The following GPHN variants were observed in gnomAD, a reference collection of about 807,000 sequenced individuals.
GPHN encodes gephyrin.
In GPHN, 17 loss-of-function variants were observed where a neutral mutation model predicts 95.5. The observed-to-expected ratio is 0.18, with a 90% CI of 0.12 to 0.27. GPHN has a LOEUF of 0.27. GPHN is among the 10% of genes least tolerant of loss of function. The pLI is 1.00. For missense variants in GPHN, 660 were observed against 978.1 expected, an observed-to-expected ratio of 0.67 and a Z score of 4.34; for synonymous variants, 320 against 322.5, an observed-to-expected ratio of 0.99 and a Z score of 0.08.
chr14:67,571,842 G>A, the GPHN span: 5 of 1,613,802 alleles, frequency 3.1e-6, no homozygotes, highest in Non-Finnish European at 4.2e-6. Flanking sequence ...CCGAATCTCG[G>A]TCCCCTCCTC....
At chr14:66,723,194 A>AGAT (rs61041871) in intron 2 of GPHN, among the ~76,000 whole-genome samples, 51,379 of 151,696 alleles carry the variant, frequency 0.34, 13,074 homozygotes, top group African/African-American at 0.69. Flanking sequence ...TTTTTTGTAA[A>AGAT]GAGTTCTCTG....
chr14:67,175,901 A>C (rs1161208252), intron 21 of GPHN, among the ~76,000 whole-genome samples: 1 of 152,146 alleles, frequency 6.6e-6, no homozygotes, highest in Non-Finnish European at 1.5e-5. Flanking sequence ...GTGTATACGA[A>C]TGCTTGTGAT....
At chr14:67,400,666 G>T in the GPHN span, among the ~76,000 whole-genome samples, 1 of 151,988 alleles carries the variant, frequency 6.6e-6, no homozygotes. Flanking sequence ...GTAGGAGGGA[G>T]GTGGGAGGTG....
At chr14:67,102,669 A>G (rs2077779856) in intron 13 of GPHN, among the ~76,000 whole-genome samples, 1 of 152,192 alleles carries the variant, frequency 6.6e-6, no homozygotes, top group African/African-American at 2.4e-5. Context: ...TCAAAAAAAT[A>G]AAAATAAAAA....
At chr14:66,755,243 A>G (rs960944376) in intron 2 of GPHN, among the ~76,000 whole-genome samples, 1 of 152,172 alleles carries the variant, frequency 6.6e-6, no homozygotes, top group Non-Finnish European at 1.5e-5. Context: ...TCTTGTAGGA[A>G]TTAAATGTAT....
intron 2 of GPHN, among the ~76,000 whole-genome samples, chr14:66,757,966 G>A (rs890983665): frequency 2.0e-5 from 3 of 152,180 alleles, no homozygotes; most frequent in African/African-American, 4.8e-5. Context: ...GGGGAGGGGT[G>A]TTTCCCCCAC....
intron 1 of GPHN, among the ~76,000 whole-genome samples, chr14:66,558,724 CTTTTT>C: frequency 6.6e-6 from 1 of 151,712 alleles, no homozygotes; most frequent in South Asian, 2.1e-4. Flanking sequence ...AACAGCTTTT[CTTTTT>C]TATTATTTTA....
chr14:67,424,303 A>C, the GPHN span, among the ~76,000 whole-genome samples: 27 of 151,958 alleles, frequency 1.8e-4, no homozygotes, highest in Non-Finnish European at 1.0e-4. Context: ...GGAGAAGCTA[A>C]AATATTGGGG....
rs150987769 is a variant in GPHN, at chr14:67,081,119, G to C, written c.1145-7864G>C. Among the ~76,000 whole-genome samples, 411 of 152,248 alleles carry C rather than the reference G, an allele frequency of 2.7e-3. 2 individuals carry two copies. The highest frequency in any genetic ancestry group is 9.3e-3 in the African/African-American group (385 of 41,554). On this transcript the variant is annotated intron_variant, in intron 11 of 22. Coordinates refer to ENST00000478722, the MANE Select transcript of GPHN (RefSeq NM_020806.5). ...ATAATTACTTCTTTTCCTCTGGGTA[G>C]ATACCCAGTAGTGGGATTGCTGGAT...
intron 11 of GPHN, among the ~76,000 whole-genome samples, chr14:67,061,898 G>C (rs906136563): frequency 2.0e-5 from 3 of 152,066 alleles, no homozygotes; most frequent in African/African-American, 4.8e-5. Context: ...TATTCTTTAA[G>C]ATCAAGCTTA....
chr14:67,586,448 C>G, the GPHN span: 1 of 1,303,380 alleles, frequency 7.7e-7, no homozygotes, highest in Non-Finnish European at 1.0e-6. Flanking sequence ...GGGCAGATTC[C>G]TCTTTAAGGT....
At chr14:67,396,359 G>T in the GPHN span, among the ~76,000 whole-genome samples, 2 of 151,204 alleles carry the variant, frequency 1.3e-5, no homozygotes, top group Non-Finnish European at 2.9e-5. Flanking sequence ...TGTTGGCCAG[G>T]CTGGTCTTGA....
chr14:67,668,442 A>T, the GPHN span, among the ~76,000 whole-genome samples: 1 of 152,234 alleles, frequency 6.6e-6, no homozygotes, highest in African/African-American at 2.4e-5. Flanking sequence ...GCAGAAAGTG[A>T]ATGGAGACTG....
intron 1 of GPHN, among the ~76,000 whole-genome samples, chr14:66,545,202 G>C (rs1265210814): frequency 2.2e-5 from 3 of 134,938 alleles, no homozygotes; most frequent in Admixed American, 7.2e-5. Context: ...CTGGCCGGGC[G>C]GGGGGCTGAC....
the GPHN span, among the ~76,000 whole-genome samples, chr14:67,480,536 G>A: frequency 6.6e-6 from 1 of 152,150 alleles, no homozygotes; most frequent in Non-Finnish European, 1.5e-5. Context: ...CCCCGGGCAG[G>A]AGAGAACAGA....
At chr14:66,691,194 T>A (rs991684061) in intron 2 of GPHN, among the ~76,000 whole-genome samples, 25 of 152,078 alleles carry the variant, frequency 1.6e-4, no homozygotes, top group African/African-American at 6.0e-4. Flanking sequence ...TTATTTTTTT[T>A]TTTTATTTTT....
At chr14:67,407,663 A>G in the GPHN span, among the ~76,000 whole-genome samples, 30 of 151,334 alleles carry the variant, frequency 2.0e-4, no homozygotes, top group Middle Eastern at 3.2e-3. Context: ...CTGCTCTCGA[A>G]CTCCTGGCCT....
intron 1 of GPHN, among the ~76,000 whole-genome samples, chr14:66,662,448 G>T (rs904392635): frequency 3.3e-5 from 5 of 151,374 alleles, no homozygotes; most frequent in Middle Eastern, 3.4e-3. Flanking sequence ...TGGCCAGACT[G>T]TAAAAAGGAA....
chr14:67,465,546 A>G, the GPHN span, among the ~76,000 whole-genome samples: 1 of 152,230 alleles, frequency 6.6e-6, no homozygotes, highest in African/African-American at 2.4e-5. Context: ...GTACAGGTAT[A>G]TCTTGGGATG....
Sources: gnomAD v4.1 joint callset for allele counts (sites outside exome capture counted in the v4.1 genomes callset) on GRCh38, gnomAD v4.1.1 for gene constraint, MANE v1.5 for transcripts, NCBI Gene and HGNC (gene_info 2026-07-23, HGNC 2026-07-21) for gene names.